The following CYP4Z1 variants were observed in gnomAD, a reference collection of about 807,000 sequenced individuals.
The protein encoded by CYP4Z1 is cytochrome P450 4Z1.
Under a neutral mutation model 54.2 loss-of-function variants are expected in CYP4Z1, and 41 were observed. The observed-to-expected ratio is 0.76, with a 90% CI of 0.59 to 0.98. CYP4Z1 has a LOEUF of 0.98. Among genes scored for constraint, CYP4Z1 ranks in the 50% least tolerant of loss-of-function variants. The pLI is 0.00. For missense variants in CYP4Z1, 513 were observed against 599.0 expected (o/e 0.86, Z 1.50); for synonymous variants, 163 against 206.2 (o/e 0.79, Z 1.79).
chr1:47,069,133 G>A (rs1169587333), intron 2 of CYP4Z1, among the ~76,000 whole-genome samples: 1 of 152,250 alleles, frequency 6.6e-6, no homozygotes, highest in African/African-American at 2.4e-5. Flanking sequence ...GCACAGAGAT[G>A]AGTGTTCCCC....
chr1:47,101,211 T>C (rs1217798021), intron 8 of CYP4Z1, among the ~76,000 whole-genome samples: 3 of 152,188 alleles, frequency 2.0e-5, no homozygotes, highest in Admixed American at 1.3e-4. Context: ...TTTCATTTTA[T>C]TGATCCTTGC....
At chr1:47,084,083 A>G (rs1404063972) in intron 4 of CYP4Z1, among the ~76,000 whole-genome samples, 1 of 152,196 alleles carries the variant, frequency 6.6e-6, no homozygotes, top group African/African-American at 2.4e-5. Context: ...AGGTATGTCC[A>G]AGGGGGTAAA....
intron 8 of CYP4Z1, among the ~76,000 whole-genome samples, chr1:47,105,622 T>C (rs1644751217): frequency 6.6e-6 from 1 of 152,216 alleles, no homozygotes. Context: ...ACTTCTCTGT[T>C]GAATTCCAGC....
chr1:47,085,352 C>A (rs1425208609), intron 6 of CYP4Z1, among the ~76,000 whole-genome samples: 7 of 152,090 alleles, frequency 4.6e-5, no homozygotes, highest in African/African-American at 1.7e-4. Context: ...GTACTGCCTA[C>A]TATGCACAGT....
At chr1:47,111,015 G>A (rs1487715810) in intron 9 of CYP4Z1, among the ~76,000 whole-genome samples, 1 of 151,800 alleles carries the variant, frequency 6.6e-6, no homozygotes, top group African/African-American at 2.4e-5. Context: ...CACTGTTATG[G>A]TGTTCCAGTT....
At chr1:47,088,902 G>A (rs1006401549) in intron 6 of CYP4Z1, among the ~76,000 whole-genome samples, 4 of 146,282 alleles carry the variant, frequency 2.7e-5, no homozygotes, top group Non-Finnish European at 5.9e-5. Context: ...GATTACAGGC[G>A]TGAGCCACTG....
intron 9 of CYP4Z1, among the ~76,000 whole-genome samples, chr1:47,113,268 T>G (rs1644805998): frequency 6.6e-6 from 1 of 152,188 alleles, no homozygotes; most frequent in South Asian, 2.1e-4. Flanking sequence ...AACATTCTTC[T>G]CTTTACCTGG....
intron 8 of CYP4Z1, among the ~76,000 whole-genome samples, chr1:47,101,862 G>A (rs1644724307): frequency 6.6e-6 from 1 of 152,044 alleles, no homozygotes; most frequent in Non-Finnish European, 1.5e-5. Flanking sequence ...AGAGTAGGGG[G>A]CTGACGTCTC....
At chr1:47,103,973 T>C (rs564993547) in intron 8 of CYP4Z1, among the ~76,000 whole-genome samples, 4 of 152,328 alleles carry the variant, frequency 2.6e-5, no homozygotes, top group African/African-American at 7.2e-5. Context: ...GATTGGGATA[T>C]GTTGCTGGAA....
the CYP4Z1 span, among the ~76,000 whole-genome samples, chr1:47,061,404 C>G: frequency 6.6e-6 from 1 of 152,126 alleles, no homozygotes; most frequent in Non-Finnish European, 1.5e-5. Flanking sequence ...CTATGAACAC[C>G]TCTATGCACA....
In CYP4Z1 at chr1:47,085,105, G is replaced by T. The variant is rs538155807; in HGVS notation, c.772+127G>T. The T allele has an allele frequency of 6.1e-3, 3,645 of 598,892 alleles. 16 individuals carry two copies. Among genetic ancestry groups the T allele is most frequent in the Admixed American group, 8.2e-3 (271 of 33,228 alleles). The allele number at this position is 598,892 out of a possible 1,614,324, so 37.1% of individuals were successfully genotyped here. ...GGTCATCATTCAGAAATGCTAATTT[G>T]TACCTCTTAAATGAATGTGCTACAT... On this transcript the variant is annotated intron_variant, in intron 6 of 11. Transcript: ENST00000334194.
intron 11 of CYP4Z1, 42 bp from the exon 12 acceptor site, chr1:47,117,724 T>G: frequency 6.3e-7 from 1 of 1,577,260 alleles, no homozygotes; most frequent in Non-Finnish European, 8.6e-7. Flanking sequence ...TAATAATATA[T>G]AAATTCATTA....
At chr1:47,112,048 G>A (rs1439403667) in intron 9 of CYP4Z1, among the ~76,000 whole-genome samples, 1 of 151,962 alleles carries the variant, frequency 6.6e-6, no homozygotes, top group Non-Finnish European at 1.5e-5. Context: ...GAAAACAACT[G>A]GAAATAAATC....
intron 2 of CYP4Z1, 96 bp downstream of exon 2, chr1:47,068,859 G>A: frequency 6.8e-7 from 1 of 1,469,702 alleles, no homozygotes; most frequent in Non-Finnish European, 9.2e-7. Context: ...GCATTTTTAA[G>A]GGAAATCCAT....
chr1:47,090,242 T>C (rs527999393), intron 6 of CYP4Z1, among the ~76,000 whole-genome samples: 1 of 152,356 alleles, frequency 6.6e-6, no homozygotes, highest in East Asian at 1.9e-4. Flanking sequence ...TTCTTATCCA[T>C]AACTATTACT....
At chr1:47,074,156 T>C (rs1644502047) in intron 2 of CYP4Z1, among the ~76,000 whole-genome samples, 1 of 152,066 alleles carries the variant, frequency 6.6e-6, no homozygotes, top group Non-Finnish European at 1.5e-5. Flanking sequence ...TATTTATTTA[T>C]CTTTTATTTT....
intron 4 of CYP4Z1, among the ~76,000 whole-genome samples, chr1:47,083,502 G>A (rs907813342): frequency 5.3e-5 from 8 of 152,126 alleles, no homozygotes; most frequent in Non-Finnish European, 1.2e-4. Flanking sequence ...GTTTGTTCAA[G>A]GTCACAAGGC....
chr1:47,056,564 C>T, the CYP4Z1 span, among the ~76,000 whole-genome samples: 174 of 152,140 alleles, frequency 1.1e-3, no homozygotes, highest in Admixed American at 2.5e-3. Flanking sequence ...TAAGTCTCTT[C>T]GTAGGTCACT....
intron 9 of CYP4Z1, among the ~76,000 whole-genome samples, chr1:47,110,380 A>G (rs2758721): frequency 0.37 from 46,970 of 126,574 alleles, 10,091 homozygotes; most frequent in East Asian, 0.95. Flanking sequence ...AAGAAAGACA[A>G]TAACAGACTT....
Sources: allele counts gnomAD v4.1 joint callset (sites outside exome capture counted in the v4.1 genomes callset), GRCh38; gene constraint gnomAD v4.1.1; transcripts MANE v1.5; gene names NCBI Gene and HGNC (gene_info 2026-07-23, HGNC 2026-07-21).